Variants in ASCL5 observed in about 807,000 individuals in gnomAD.
The protein encoded by ASCL5 is achaete-scute homolog 5.
For missense variants in ASCL5, 262 were observed against 268.9 expected, an observed-to-expected ratio of 0.97 and a Z score of 0.18; for synonymous variants, 124 against 131.5, an observed-to-expected ratio of 0.94 and a Z score of 0.39.
Position 201,114,615 on chromosome 1 carries a change from G to T in ASCL5, c.*137C>A. The T allele has an allele frequency of 2.6e-6, 2 of 762,840 alleles. No individual in the cohort carries two copies. The highest frequency in any genetic ancestry group is 6.9e-5 in the South Asian group (1 of 14,400). The allele number at this position is 762,840 out of a possible 1,614,324, so 47.3% of individuals were successfully genotyped here. ...CTGGTGGAGGAGGGAGGGTGTCGCA[G>T]ACACGGGAGCGCCGCGGACCTCCTA... On this transcript the variant is annotated 3_prime_UTR_variant, in exon 2 of 2. Coordinates refer to ENST00000449188, the MANE Select transcript of ASCL5 (RefSeq NM_001270601.2).
chr1:201,116,169 G>A (rs1663343898), intron 1 of ASCL5, among the ~76,000 whole-genome samples: 1 of 152,222 alleles, frequency 6.6e-6, no homozygotes, highest in Admixed American at 6.5e-5. Flanking sequence ...ACCTCCTAAA[G>A]GTCATAGCTT....
rs180689078 is a variant in ASCL5 at position 201,114,632 on chromosome 1, G to A, written c.*120C>T. 807 of 918,518 alleles carry A rather than the reference G, an allele frequency of 8.8e-4. 5 individuals are homozygous for A. The African/African-American group carries it at 0.012, about 13-fold the overall frequency. 56.9% of individuals were successfully genotyped at this position (918,518 alleles called of 1,614,324 possible). A position where few individuals can be genotyped will look rare whatever the true frequency, so the allele number is the denominator to read the frequency against. ...GTGTCGCAGACACGGGAGCGCCGCG[G>A]ACCTCCTACAGTCACCGTCCTGCGG... On this transcript the variant is annotated 3_prime_UTR_variant, in exon 2 of 2. Transcript: ENST00000449188.
chr1:201,119,302 G>T (rs1457414158), intron 1 of ASCL5, among the ~76,000 whole-genome samples: 1 of 152,156 alleles, frequency 6.6e-6, no homozygotes, highest in Non-Finnish European at 1.5e-5. Flanking sequence ...GAGCCCCCTT[G>T]CCTGAGCTTA....
At position 201,115,004 on chromosome 1, in the gene ASCL5, C is replaced by A; in HGVS notation, c.369G>T (p.Glu123Asp). 3 of 1,231,800 alleles carry A rather than the reference C, an allele frequency of 2.4e-6. No homozygotes were observed. The highest frequency in any genetic ancestry group is 8.2e-5 in the South Asian group (2 of 24,336). The allele number at this position is 1,231,800 out of a possible 1,614,324, so 76.3% of individuals were successfully genotyped here. A position where few individuals can be genotyped will look rare whatever the true frequency, so the allele number is the denominator to read the frequency against. The change falls in exon 2 of 2, where the codon GAG becomes GAT. Residue 123 changes from glutamate (E) to aspartate (D), a missense_variant. Transcript: ENST00000449188. ...TGTAGCGGATGGCGGCGCGCAGCGT[C>A]TCCACCTTGCTGAGTCGCTTCTCAG... ...ALAEKRLSKV[E>D]TLRAAIRYIK...
At chr1:201,116,541 T>C (rs1454975700) in intron 1 of ASCL5, among the ~76,000 whole-genome samples, 1 of 152,160 alleles carries the variant, frequency 6.6e-6, no homozygotes, top group Admixed American at 6.5e-5. Flanking sequence ...CAGCCCCTGT[T>C]GAGTATTAGA....
chr1:201,119,200 C>A (rs1447264195), intron 1 of ASCL5, among the ~76,000 whole-genome samples: 1 of 152,336 alleles, frequency 6.6e-6, no homozygotes, highest in Middle Eastern at 3.4e-3. Context: ...GAGGGTAGCA[C>A]CCCCTTGAAG....
At chr1:201,116,825 T>C (rs1006197529) in intron 1 of ASCL5, among the ~76,000 whole-genome samples, 2 of 152,162 alleles carry the variant, frequency 1.3e-5, no homozygotes, top group Non-Finnish European at 2.9e-5. Flanking sequence ...TTAGCACTTA[T>C]CACACTACTC....
chr1:201,117,076 A>C (rs1663364959), intron 1 of ASCL5, among the ~76,000 whole-genome samples: 1 of 152,136 alleles, frequency 6.6e-6, no homozygotes. Context: ...TGTCCTCCAC[A>C]CTAAATGAGG....
Position 201,114,735 on chromosome 1 carries a change from G to A in ASCL5, c.*17C>T, listed in dbSNP as rs1449447387. The A allele has an allele frequency of 1.6e-6, 2 of 1,230,858 alleles. No homozygotes were observed. The highest frequency in any genetic ancestry group is 1.6e-5 in the African/African-American group (1 of 64,360). 76.2% of individuals were successfully genotyped at this position (1,230,858 alleles called of 1,614,324 possible). A position where few individuals can be genotyped will look rare whatever the true frequency, so the allele number is the denominator to read the frequency against. The stretch of plus-strand genomic sequence containing the variant: ...CCGGCGGATCATCCTCCAAGCCGGG[G>A]GCGGCCACAGGCCCGATCAATGCCA... On this transcript the variant is annotated 3_prime_UTR_variant, in exon 2 of 2. Coordinates refer to ENST00000449188, the MANE Select transcript of ASCL5 (RefSeq NM_001270601.2).
intron 1 of ASCL5, among the ~76,000 whole-genome samples, chr1:201,119,372 T>G (rs766409342): frequency 7.9e-5 from 12 of 152,176 alleles, no homozygotes; most frequent in Non-Finnish European, 1.3e-4. Flanking sequence ...ACTCATCGGC[T>G]AAGTTCATGG....
At chr1:201,121,239 A>G (rs867016215) in intron 1 of ASCL5, among the ~76,000 whole-genome samples, 4 of 152,364 alleles carry the variant, frequency 2.6e-5, no homozygotes, top group Middle Eastern at 3.4e-3. Context: ...AAATGGTCTT[A>G]AGCCCACTAA....
intron 1 of ASCL5, among the ~76,000 whole-genome samples, chr1:201,124,349 G>A (rs750323588): frequency 9.9e-5 from 15 of 152,162 alleles, no homozygotes; most frequent in Middle Eastern, 3.2e-3. Context: ...GGTGCTGCCT[G>A]CCAGCCTCTG....
chr1:201,119,414 C>T (rs1488657797), intron 1 of ASCL5, among the ~76,000 whole-genome samples: 2 of 152,154 alleles, frequency 1.3e-5, no homozygotes, highest in East Asian at 1.9e-4. Flanking sequence ...AATAGCGCCA[C>T]GGTGTGGTGG....
In ASCL5 at chr1:201,115,269, G is replaced by T. The variant is rs1663315278; in HGVS notation, c.104C>A (p.Pro35His). Residue 35 changes from proline (P) to histidine (H), a missense_variant, in exon 2 of 2, where the codon CCC becomes CAC. By Grantham distance (77) the Pro-to-His change is moderately conservative. Transcript: ENST00000449188. ...VMPPPRQAPL[P>H]PAEPLGNVPF... ...CACGTTGCCCAGGGGCTCGGCGGGG[G>T]GCAGGGGCGCCTGCCGGGGAGGGGG... 2.4e-6 allele frequency: 3 copies of T among 1,231,380 alleles called. No homozygotes were observed. Among genetic ancestry groups the T allele is most frequent in the African/African-American group, 3.1e-5 (2 of 64,400 alleles). The allele number at this position is 1,231,380 out of a possible 1,614,324, so 76.3% of individuals were successfully genotyped here. A position where few individuals can be genotyped will look rare whatever the true frequency, so the allele number is the denominator to read the frequency against.
At chr1:201,117,752 G>A (rs1420194922) in intron 1 of ASCL5, among the ~76,000 whole-genome samples, 1 of 152,174 alleles carries the variant, frequency 6.6e-6, no homozygotes, top group Admixed American at 6.5e-5. Flanking sequence ...CATGGGTTGT[G>A]CATTCTAAGA....
In ASCL5 at chr1:201,114,837, G is replaced by A; in HGVS notation, c.536C>T (p.Ala179Val). 2 of 1,228,152 alleles carry A rather than the reference G, an allele frequency of 1.6e-6. No homozygotes were observed. The highest frequency in any genetic ancestry group is 1.0e-6 in the Non-Finnish European group (1 of 985,850). The allele number at this position is 1,228,152 out of a possible 1,614,324, so 76.1% of individuals were successfully genotyped here. ...PDRPGDGEARAPSSLVPESSE... is the reference protein window; with the variant it reads ...PDRPGDGEARVPSSLVPESSE... ...TGACTCCGGCACCAGGGAGGAGGGCGCCCGGGCCTCGCCGTCGCCAGGGCG... is the reference window on the plus strand; with the variant it reads ...TGACTCCGGCACCAGGGAGGAGGGCACCCGGGCCTCGCCGTCGCCAGGGCG... Residue 179 changes from alanine to valine, a missense_variant, in exon 2 of 2, where the codon GCG becomes GTG. Physicochemically the swap from Ala to Val is moderately conservative, Grantham distance 64. Transcript: ENST00000449188.
At chr1:201,122,877 A>C (rs1041680411) in intron 1 of ASCL5, among the ~76,000 whole-genome samples, 1 of 152,208 alleles carries the variant, frequency 6.6e-6, no homozygotes, top group Non-Finnish European at 1.5e-5. Context: ...ACTGACTTCT[A>C]TAAGCCTGTT....
At chr1:201,125,620 C>T (rs1224467817) in intron 1 of ASCL5, among the ~76,000 whole-genome samples, 4 of 152,186 alleles carry the variant, frequency 2.6e-5, no homozygotes, top group African/African-American at 4.8e-5. Flanking sequence ...GGCGTGCCCT[C>T]GCCTTGCTGT....
chr1:201,123,655 C>A (rs957593608), intron 1 of ASCL5, among the ~76,000 whole-genome samples: 1 of 152,146 alleles, frequency 6.6e-6, no homozygotes, highest in Non-Finnish European at 1.5e-5. Flanking sequence ...AGGAATGAGT[C>A]TTTCTTAGCC....
Sources: allele counts gnomAD v4.1 joint callset (sites outside exome capture counted in the v4.1 genomes callset), GRCh38; gene constraint gnomAD v4.1.1; transcripts MANE v1.5; gene names NCBI Gene and HGNC (gene_info 2026-07-23, HGNC 2026-07-21).